Variants in PIK3R3 observed in about 807,000 individuals in gnomAD.
The protein encoded by PIK3R3 is phosphoinositide-3-kinase regulatory subunit 3.
In PIK3R3, 64 loss-of-function variants were observed where a neutral mutation model predicts 62.9. That is an observed-to-expected ratio of 1.02 (90% CI 0.83 to 1.25). The LOEUF (loss-of-function observed/expected upper bound fraction) is 1.25. PIK3R3 is among the 50% of genes most tolerant of loss of function. The pLI is 0.00. For synonymous variants in PIK3R3, 165 were observed against 189.0 expected (o/e 0.87, Z 1.04); for missense variants, 614 against 561.6 (o/e 1.09, Z -0.94).
rs544312473 is a variant in PIK3R3, at chr1:46,098,509, T to C, written c.107-17759A>G. Among the ~76,000 whole-genome samples the C allele has an allele frequency of 7.2e-4, 109 of 152,238 alleles. 1 individual carries two copies. Among genetic ancestry groups the C allele is most frequent in the Admixed American group, 6.9e-3 (105 of 15,302 alleles). ...CACAGAGTGGAATATTGTTTAGCCA[T>C]AAAAAGGAATGAAGTAATGATACAT... On this transcript the variant is annotated intron_variant, in intron 1 of 9. Transcript: ENST00000262741.
In PIK3R3 at chr1:46,080,706, T is replaced by C; in HGVS notation, c.151A>G (p.Asn51Asp). 1 of 1,614,002 alleles carries C rather than the reference T, an allele frequency of 6.2e-7. No individual in the cohort carries two copies. The highest frequency in any genetic ancestry group is 8.5e-7 in the Non-Finnish European group (1 of 1,179,882). The change falls in exon 2 of 10, where the codon AAT becomes GAT. Residue 51 changes from asparagine (N) to aspartate (D), a missense_variant. Physicochemically the swap from Asn to Asp is conservative, Grantham distance 23. Coordinates refer to ENST00000262741, the MANE Select transcript of PIK3R3 (RefSeq NM_003629.4). ...PPKPMTSAVP[N>D]GMKDSSVSLQ... ...GAAACAGAACTGTCCTTCATTCCAT[T>C]TGGAACTGCTGAAGTCATTGGCTTA...
At chr1:46,049,119 G>T (rs1169028306) in intron 7 of PIK3R3, among the ~76,000 whole-genome samples, 1 of 150,350 alleles carries the variant, frequency 6.7e-6, no homozygotes. Flanking sequence ...CATATTTTTT[G>T]GCATGGTCTT....
the PIK3R3 span, among the ~76,000 whole-genome samples, chr1:46,139,718 C>T: frequency 6.6e-6 from 1 of 152,222 alleles, no homozygotes; most frequent in African/African-American, 2.4e-5. Context: ...TCTTTCTCAG[C>T]TTCTTCCTGG....
chr1:46,051,460 C>T (rs1014197544), intron 7 of PIK3R3, among the ~76,000 whole-genome samples: 3 of 152,022 alleles, frequency 2.0e-5, no homozygotes, highest in Admixed American at 6.6e-5. Flanking sequence ...AGGGTTTCAC[C>T]ATGTTGGCCA....
rs1646969253 is a variant in PIK3R3 at position 46,040,171 on chromosome 1, T to C, written c.*3502A>G. 4.7e-6 allele frequency: 1 copy of C among 211,540 alleles called. No individual in the cohort carries two copies. The highest frequency in any genetic ancestry group is 5.9e-5 in the Admixed American group (1 of 16,962). The allele number at this position is 211,540 out of a possible 1,614,324, so 13.1% of individuals were successfully genotyped here. On this transcript the variant is annotated 3_prime_UTR_variant, in exon 10 of 10. Coordinates refer to ENST00000262741, the MANE Select transcript of PIK3R3 (RefSeq NM_003629.4). ...TATTGCAATGTCTTTATTGCATTAC[T>C]GGAGCAAGTTGGCCAGACTGTCCCC...
intron 1 of PIK3R3, among the ~76,000 whole-genome samples, chr1:46,103,421 T>C (rs970585676): frequency 2.6e-5 from 4 of 151,536 alleles, no homozygotes; most frequent in African/African-American, 9.7e-5. Context: ...ATACAAAAAA[T>C]TGGCCAGGCA....
At position 46,067,078 on chromosome 1, in the gene PIK3R3, T is replaced by G; in HGVS notation, c.328A>C (p.Asn110His). Residue 110 changes from asparagine (N) to histidine (H), a missense_variant, in exon 4 of 10, where the codon AAT becomes CAT. Transcript: ENST00000262741. ...YTLTLRKGGN[N>H]KLIKIYHRDG... The stretch of plus-strand genomic sequence containing the variant: ...CGGTGATAGATCTTTATTAACTTAT[T>G]ATTGCCTCCCTTCCTGTGAACAACA... 1 of 1,570,372 alleles carries G rather than the reference T, an allele frequency of 6.4e-7. No individual in the cohort carries two copies. Among genetic ancestry groups the G allele is most frequent in the East Asian group, 2.4e-5 (1 of 42,468 alleles).
chr1:46,139,310 T>C, the PIK3R3 span, among the ~76,000 whole-genome samples: 1 of 152,148 alleles, frequency 6.6e-6, no homozygotes, highest in East Asian at 1.9e-4. Flanking sequence ...CTTCTTTTTT[T>C]TTTTTTCTTT....
At chr1:46,131,778 C>G in intron 1 of PIK3R3, 69 bp downstream of exon 1, 1 of 1,475,184 alleles carries the variant, frequency 6.8e-7, no homozygotes, top group African/African-American at 1.4e-5. Flanking sequence ...GCCCTGAAAA[C>G]ATCAGCAAGC....
At chr1:46,157,199 C>T in the PIK3R3 span, among the ~76,000 whole-genome samples, 1 of 152,162 alleles carries the variant, frequency 6.6e-6, no homozygotes, top group Non-Finnish European at 1.5e-5. Flanking sequence ...AGTGGTGTAA[C>T]CTCAGCTCAC....
At chr1:46,107,611 T>A (rs1474007903) in intron 1 of PIK3R3, among the ~76,000 whole-genome samples, 2 of 152,158 alleles carry the variant, frequency 1.3e-5, no homozygotes, top group African/African-American at 4.8e-5. Flanking sequence ...GACTGTATCA[T>A]CATTTACTTA....
intron 6 of PIK3R3, 68 bp from the exon 7 acceptor site, chr1:46,056,039 C>T (rs1456514542): frequency 1.2e-5 from 12 of 1,013,152 alleles, no homozygotes; most frequent in South Asian, 3.3e-5. Flanking sequence ...TGGGTGAGCA[C>T]GGTCCTAATA....
intron 1 of PIK3R3, among the ~76,000 whole-genome samples, chr1:46,121,440 T>G (rs1375813742): frequency 6.6e-6 from 1 of 152,174 alleles, no homozygotes; most frequent in African/African-American, 2.4e-5. Flanking sequence ...AAGACCTTTT[T>G]CAGAGCAATT....
rs1390565549 is a variant in PIK3R3 at position 46,042,596 on chromosome 1, T to C, written c.*1077A>G. 9.1e-6 allele frequency: 2 copies of C among 220,932 alleles called. No homozygotes were observed. The highest frequency in any genetic ancestry group is 1.8e-5 in the Non-Finnish European group (2 of 110,244). 13.7% of individuals were successfully genotyped at this position (220,932 alleles called of 1,614,324 possible). On this transcript the variant is annotated 3_prime_UTR_variant, in exon 10 of 10. Transcript: ENST00000262741. This position sits in a 1 kb window ranked among gnomAD's most constrained non-coding sequence, Gnocchi z 4.3. ...GGGGAAATGAAGGGAAATTAAACCA[T>C]GTTTACTATTTCTGCAGGGCCTTTA... is the stretch of plus-strand genomic sequence containing the variant.
intron 1 of PIK3R3, 178 bp downstream of exon 1, chr1:46,131,669 C>T (rs1277144546): frequency 1.9e-6 from 1 of 517,338 alleles, no homozygotes; most frequent in Non-Finnish European, 3.8e-6. Context: ...GATCAGGGTC[C>T]TAACTGCAAA....
At chr1:46,161,624 A>T in the PIK3R3 span, among the ~76,000 whole-genome samples, 1 of 152,012 alleles carries the variant, frequency 6.6e-6, no homozygotes, top group Non-Finnish European at 1.5e-5. Flanking sequence ...AGTCCCAGCT[A>T]CTTGGGAGGC....
intron 1 of PIK3R3, among the ~76,000 whole-genome samples, chr1:46,105,918 A>G (rs1653163391): frequency 6.6e-6 from 1 of 152,208 alleles, no homozygotes; most frequent in Non-Finnish European, 1.5e-5. Flanking sequence ...TGTACCCATT[A>G]AGATATGGCA....
At chr1:46,155,120 G>A in the PIK3R3 span, among the ~76,000 whole-genome samples, 1 of 152,096 alleles carries the variant, frequency 6.6e-6, no homozygotes, top group Non-Finnish European at 1.5e-5. Context: ...AGGAGTTGAA[G>A]ACCAGCCTGG....
intron 1 of PIK3R3, among the ~76,000 whole-genome samples, chr1:46,119,187 A>G (rs785493): frequency 0.72 from 108,975 of 152,082 alleles, 39,182 homozygotes; most frequent in African/African-American, 0.75. Flanking sequence ...TCACTCCCTT[A>G]GAAATGTACA....
Sources: allele counts gnomAD v4.1 joint callset (sites outside exome capture counted in the v4.1 genomes callset), GRCh38; gene constraint gnomAD v4.1.1; non-coding constraint Gnocchi (gnomAD v3.1); transcripts MANE v1.5; gene names NCBI Gene and HGNC (gene_info 2026-07-23, HGNC 2026-07-21).